Variants in GPM6A observed in about 807,000 individuals in gnomAD.
The protein encoded by GPM6A is glycoprotein M6A.
GPM6A carries 7 observed loss-of-function variants against 32.1 expected under a neutral mutation model. The observed-to-expected ratio is 0.22, with a 90% confidence interval of 0.12 to 0.41. The LOEUF is 0.41. Ranked by LOEUF, GPM6A falls within the 10% of genes least tolerant of loss-of-function variation. The probability of loss-of-function intolerance (pLI) is 1.00; values close to 1 mark genes in which losing one functional copy is unlikely to be tolerated. For synonymous variants in GPM6A, 130 were observed against 123.4 expected, an observed-to-expected ratio of 1.05 and a Z score of -0.35; for missense variants, 235 against 347.2, an observed-to-expected ratio of 0.68 and a Z score of 2.57.
At chr4:175,786,428 C>T (rs571330132) in intron 1 of GPM6A, among the ~76,000 whole-genome samples, 4 of 151,980 alleles carry the variant, frequency 2.6e-5, no homozygotes, top group African/African-American at 9.6e-5. Flanking sequence ...TACAAAGCTC[C>T]CGTGCTGAAC....
chr4:175,896,877 C>T (rs1409681996), intron 1 of GPM6A, among the ~76,000 whole-genome samples: 1 of 152,180 alleles, frequency 6.6e-6, no homozygotes, highest in African/African-American at 2.4e-5. Flanking sequence ...TGTTTCAAAT[C>T]ACCCAGAAAT....
upstream of GPM6A, among the ~76,000 whole-genome samples, chr4:175,816,019 T>G (rs1735089227): frequency 6.6e-6 from 1 of 151,922 alleles, no homozygotes; most frequent in Admixed American, 6.6e-5. Context: ...ACCTGGCCAT[T>G]ACAGACACTT....
At chr4:175,659,470 AAGAGTATTG>A (rs1319548128) in intron 3 of GPM6A, among the ~76,000 whole-genome samples, 1 of 152,192 alleles carries the variant, frequency 6.6e-6, no homozygotes, top group Non-Finnish European at 1.5e-5. Context: ...CAGAAGGTAA[AAGAGTATTG>A]AAAGTATTCA....
At chr4:175,903,015 G>A (rs188210571) in intron 1 of GPM6A, among the ~76,000 whole-genome samples, 14 of 150,882 alleles carry the variant, frequency 9.3e-5, no homozygotes, top group Non-Finnish European at 1.5e-4. Context: ...GCAACAACAC[G>A]CTAATAACAG....
In GPM6A at chr4:175,939,835, C is replaced by T. The variant is rs180678552; in HGVS notation, c.-23+62474G>A. On this transcript the variant is annotated intron_variant, in intron 1 of 7. Transcript: ENST00000280187. ...TTTCAAGTTTTTATTTTGCATTTAT[C>T]TGCTTCACTCTTAATAAGCAAAAAA... 2.6e-3 allele frequency among the ~76,000 whole-genome samples: 400 copies of T among 151,290 alleles called. 1 individual carries two copies. Among genetic ancestry groups the T allele is most frequent in the Non-Finnish European group, 2.8e-3 (187 of 67,946 alleles).
chr4:175,797,345 T>C (rs964947750), intron 1 of GPM6A, among the ~76,000 whole-genome samples: 6 of 152,184 alleles, frequency 3.9e-5, no homozygotes, highest in African/African-American at 1.4e-4. Flanking sequence ...CATAATCTTG[T>C]TCATAAAATT....
chr4:175,956,121 A>G (rs1025324909), intron 1 of GPM6A, among the ~76,000 whole-genome samples: 3 of 152,166 alleles, frequency 2.0e-5, no homozygotes, highest in African/African-American at 7.2e-5. Context: ...ATGCTCTACA[A>G]TATACATTAG....
chr4:175,855,057 T>A (rs1337369666), intron 1 of GPM6A, among the ~76,000 whole-genome samples: 1 of 152,124 alleles, frequency 6.6e-6, no homozygotes, highest in East Asian at 1.9e-4. Context: ...TTAAAAGGAA[T>A]CTTTGAAAAG....
chr4:175,889,103 T>C (rs998999232), intron 1 of GPM6A, among the ~76,000 whole-genome samples: 2 of 152,108 alleles, frequency 1.3e-5, no homozygotes, highest in Non-Finnish European at 2.9e-5. Context: ...TAAATTCCTA[T>C]TCAAATTATG....
At chr4:175,935,586 T>C (rs1259489910) in intron 1 of GPM6A, among the ~76,000 whole-genome samples, 1 of 152,080 alleles carries the variant, frequency 6.6e-6, no homozygotes, top group Non-Finnish European at 1.5e-5. Flanking sequence ...AATACCAACA[T>C]ACTAAAATCA....
chr4:175,850,417 G>C (rs1736216839), intron 1 of GPM6A, among the ~76,000 whole-genome samples: 1 of 152,144 alleles, frequency 6.6e-6, no homozygotes, highest in Non-Finnish European at 1.5e-5. Context: ...GGGAAGAGAG[G>C]AGATAGAAAC....
chr4:175,782,282 C>A (rs1733641150), intron 1 of GPM6A, among the ~76,000 whole-genome samples: 1 of 152,066 alleles, frequency 6.6e-6, no homozygotes, highest in Non-Finnish European at 1.5e-5. Flanking sequence ...CCTCACCCAC[C>A]TAGGCTTTTG....
intron 6 of GPM6A, among the ~76,000 whole-genome samples, chr4:175,639,832 A>G (rs1741032638): frequency 1.3e-5 from 2 of 152,160 alleles, no homozygotes; most frequent in Admixed American, 6.6e-5. Flanking sequence ...TCACAATGTC[A>G]CATTGGTATG....
chr4:175,820,150 C>A (rs1044343924), intron 1 of GPM6A, among the ~76,000 whole-genome samples: 1 of 152,186 alleles, frequency 6.6e-6, no homozygotes, highest in Non-Finnish European at 1.5e-5. Flanking sequence ...AAACTCTATT[C>A]AGTGCCACAA....
At chr4:175,776,236 G>A (rs1249050499) in intron 1 of GPM6A, among the ~76,000 whole-genome samples, 1 of 152,088 alleles carries the variant, frequency 6.6e-6, no homozygotes, top group East Asian at 1.9e-4. Flanking sequence ...TATCCTAAAT[G>A]TCTCCCATTT....
chr4:175,837,239 A>G (rs1735797319), intron 1 of GPM6A, among the ~76,000 whole-genome samples: 1 of 152,174 alleles, frequency 6.6e-6, no homozygotes, highest in South Asian at 2.1e-4. Flanking sequence ...AGGCAAGAGA[A>G]CAGATTCTCT....
intron 1 of GPM6A, among the ~76,000 whole-genome samples, chr4:175,918,810 TTTATC>T (rs1230865724): frequency 6.6e-6 from 1 of 152,166 alleles, no homozygotes; most frequent in African/African-American, 2.4e-5. Context: ...TATCACATGT[TTTATC>T]TTATGTCTCT....
chr4:175,721,045 T>A (rs151217081), intron 1 of GPM6A, among the ~76,000 whole-genome samples: 7 of 131,520 alleles, frequency 5.3e-5, no homozygotes, highest in Admixed American at 3.2e-4. Context: ...ATATATTATA[T>A]ATATATATGT....
intron 1 of GPM6A, among the ~76,000 whole-genome samples, chr4:175,828,948 G>A (rs1300401865): frequency 6.6e-6 from 1 of 151,818 alleles, no homozygotes; most frequent in Non-Finnish European, 1.5e-5. Context: ...TTTGAGACAG[G>A]GTTTGATTTC....
Sources: gnomAD v4.1 joint callset for allele counts (sites outside exome capture counted in the v4.1 genomes callset) on GRCh38, gnomAD v4.1.1 for gene constraint, MANE v1.5 for transcripts, NCBI Gene and HGNC (gene_info 2026-07-23, HGNC 2026-07-21) for gene names.